Variants in UNC80 observed in about 807,000 individuals in gnomAD.
UNC80 encodes the protein unc-80 subunit of NALCN channel complex.
UNC80 carries 164 observed loss-of-function variants against 384.6 expected under a neutral mutation model. That is an observed-to-expected ratio of 0.43 (90% confidence interval 0.38 to 0.49). The LOEUF (loss-of-function observed/expected upper bound fraction) is 0.49. Among genes scored for constraint, UNC80 ranks in the 20% least tolerant of loss-of-function variants. UNC80 has a pLI of 0.00. For missense variants in UNC80, 3,330 were observed against 4,143.0 expected (o/e 0.80, Z 5.39); for synonymous variants, 1,486 against 1,527.8 (o/e 0.97, Z 0.64).
At chr2:209,914,035 T>G in intron 31 of UNC80, 95 bp downstream of exon 31, 1 of 1,418,140 alleles carries the variant, frequency 7.1e-7, no homozygotes, top group Non-Finnish European at 9.4e-7. Context: ...CTATTTTTGC[T>G]CCTAGGTCAA....
At chr2:209,856,824 G>A (rs2082966286) in intron 22 of UNC80, among the ~76,000 whole-genome samples, 1 of 151,616 alleles carries the variant, frequency 6.6e-6, no homozygotes, top group Non-Finnish European at 1.5e-5. Flanking sequence ...GGCTTGCTCT[G>A]TTGCCCAGGC....
At chr2:209,865,559 G>A (rs987207326) in intron 22 of UNC80, among the ~76,000 whole-genome samples, 12 of 148,184 alleles carry the variant, frequency 8.1e-5, no homozygotes, top group Admixed American at 1.4e-4. Context: ...CCGAGATCCC[G>A]CCACTGCACT....
chr2:209,840,669 G>A (rs1323611694), intron 20 of UNC80, 21 bp downstream of exon 20: 2 of 1,538,936 alleles, frequency 1.3e-6, no homozygotes, highest in Admixed American at 3.9e-5. Flanking sequence ...CATAACTTGT[G>A]TAAGTGACTG....
At chr2:209,809,406 C>T (rs1169940612) in intron 7 of UNC80, 1 of 1,361,218 alleles carries the variant, frequency 7.3e-7, no homozygotes. Context: ...GTGAGAAGCC[C>T]TTCTCCTGTA....
intron 39 of UNC80, among the ~76,000 whole-genome samples, chr2:209,934,487 C>T (rs2091107422): frequency 6.6e-6 from 1 of 152,142 alleles, no homozygotes; most frequent in Non-Finnish European, 1.5e-5. Flanking sequence ...GGTTCCTTTT[C>T]ACTTCGGATA....
intron 13 of UNC80, among the ~76,000 whole-genome samples, chr2:209,825,517 T>C (rs1366355600): frequency 2.0e-5 from 3 of 152,178 alleles, no homozygotes; most frequent in Non-Finnish European, 4.4e-5. Flanking sequence ...GCAGTAATCC[T>C]TTCCTGGTGT....
intron 7 of UNC80, chr2:209,794,824 G>C (rs1389074723): frequency 8.8e-6 from 4 of 454,434 alleles, no homozygotes; most frequent in Non-Finnish European, 1.8e-5. Flanking sequence ...CCATGATTCT[G>C]AGGCCTTCTC....
chr2:209,798,927 G>T lies in UNC80; in HGVS notation c.938+5068G>T, dbSNP rs964755712. Among the ~76,000 whole-genome samples, 48 of 146,668 alleles carry T rather than the reference G, an allele frequency of 3.3e-4. 1 individual carries two copies. The highest frequency in any genetic ancestry group is 1.2e-3 in the African/African-American group (47 of 39,770). On this transcript the variant is annotated intron_variant, in intron 7 of 64. Coordinates refer to ENST00000673920, the MANE Select transcript of UNC80 (RefSeq NM_001371986.1). ...TCTTGATCTCCTGACCTTGTGATCC[G>T]CCCACCTCGGCCTCCCAAAGTGCTG...
At chr2:209,772,970 A>G in intron 1 of UNC80, 124 bp from the exon 2 acceptor site, 2 of 758,656 alleles carry the variant, frequency 2.6e-6, no homozygotes, top group East Asian at 2.7e-5. Context: ...TTAAAAAGCT[A>G]TAAGGAAGCA....
At chr2:209,855,364 T>C (rs1366619095) in intron 22 of UNC80, among the ~76,000 whole-genome samples, 1 of 152,076 alleles carries the variant, frequency 6.6e-6, no homozygotes, top group Admixed American at 6.6e-5. Flanking sequence ...CTGGACTTAA[T>C]ACCTAGATGA....
chr2:209,792,930 T>A (rs2077915579), intron 6 of UNC80, among the ~76,000 whole-genome samples: 1 of 152,222 alleles, frequency 6.6e-6, no homozygotes, highest in African/African-American at 2.4e-5. Context: ...AACATTATGC[T>A]AAAGAATTTT....
chr2:209,788,595 A>C (rs2077602367), intron 5 of UNC80, among the ~76,000 whole-genome samples: 1 of 147,748 alleles, frequency 6.8e-6, no homozygotes, highest in South Asian at 2.1e-4. Flanking sequence ...AAAATATACA[A>C]ATAAAAGTAA....
chr2:209,993,062 A>T (rs2093420604), intron 62 of UNC80, among the ~76,000 whole-genome samples: 1 of 152,234 alleles, frequency 6.6e-6, no homozygotes, highest in Non-Finnish European at 1.5e-5. Context: ...AAATTACTGA[A>T]ATTCTCAAGT....
chr2:209,976,215 G>C lies in UNC80; in HGVS notation c.8684G>C (p.Gly2895Ala). ...AAGGAGATGGCTCTGCGGAAGGTGG[G>C]AGGCCTGGCCCTTTGGGATTTCCTC... ...QVKEMALRKV[G>A]GLALWDFLDF... The change falls in exon 57 of 65, where the codon GGA (glycine) becomes GCA (alanine). Residue 2895 changes from glycine to alanine, a missense_variant. Coordinates refer to ENST00000673920, the MANE Select transcript of UNC80 (RefSeq NM_001371986.1). This position sits in a 1 kb window ranked among gnomAD's most constrained non-coding sequence, Gnocchi z 4.3. 6.4e-7 allele frequency: 1 copy of C among 1,551,710 alleles called. No homozygotes were observed.
Position 209,931,070 on chromosome 2 carries a change from T to A in UNC80, c.5994+16T>A. 2 of 1,516,332 alleles carry A rather than the reference T, an allele frequency of 1.3e-6. No individual in the cohort carries two copies. The highest frequency in any genetic ancestry group is 1.8e-6 in the Non-Finnish European group (2 of 1,119,908). 93.9% of individuals were successfully genotyped at this position (1,516,332 alleles called of 1,614,324 possible). A position where few individuals can be genotyped will look rare whatever the true frequency, so the allele number is the denominator to read the frequency against. ...CAACTATTTGGTGAGTTATAAATGT[T>A]CATTTCCAATTACGAAGCAGCACCA... On this transcript the variant is annotated intron_variant, in intron 38 of 64. Coordinates refer to ENST00000673920, the MANE Select transcript of UNC80 (RefSeq NM_001371986.1).
At position 209,922,517 on chromosome 2, in the gene UNC80, A is replaced by T. The variant is rs1263210714; in HGVS notation, c.5662+134A>T. 6.2e-6 allele frequency: 7 copies of T among 1,134,186 alleles called. No homozygotes were observed. The South Asian group carries it at 1.3e-4, about 20-fold the overall frequency. The allele number at this position is 1,134,186 out of a possible 1,614,324, so 70.3% of individuals were successfully genotyped here. A position where few individuals can be genotyped will look rare whatever the true frequency, so the allele number is the denominator to read the frequency against. On this transcript the variant is annotated intron_variant, in intron 35 of 64. Coordinates refer to ENST00000673920, the MANE Select transcript of UNC80 (RefSeq NM_001371986.1). ...TCTCATGACTTGACATTCTAAAAAA[A>T]ATTAGCATGGCATCCTTTAAAAAAA...
At chr2:209,951,106 G>A (rs2092158477) in intron 47 of UNC80, among the ~76,000 whole-genome samples, 1 of 151,990 alleles carries the variant, frequency 6.6e-6, no homozygotes, top group Non-Finnish European at 1.5e-5. Flanking sequence ...CCAAGTTGAG[G>A]CTGCAGTGAG....
At chr2:209,853,358 T>TA (rs1350286044) in intron 22 of UNC80, among the ~76,000 whole-genome samples, 2 of 152,114 alleles carry the variant, frequency 1.3e-5, no homozygotes, top group East Asian at 3.8e-4. Flanking sequence ...TCTTCAGAAT[T>TA]AAAAAGAATT....
intron 62 of UNC80, 143 bp downstream of exon 62, chr2:209,992,390 G>T (rs1352232323): frequency 1.4e-6 from 1 of 736,420 alleles, no homozygotes; most frequent in East Asian, 2.8e-5. Context: ...TGGGAGGATT[G>T]CTTGAGCCCA....
Sources: allele counts gnomAD v4.1 joint callset (sites outside exome capture counted in the v4.1 genomes callset), GRCh38; gene constraint gnomAD v4.1.1; non-coding constraint Gnocchi (gnomAD v3.1); transcripts MANE v1.5; gene names NCBI Gene and HGNC (gene_info 2026-07-23, HGNC 2026-07-21).